The following FHIT variants were observed in gnomAD, a reference collection of about 807,000 sequenced individuals.
The protein encoded by FHIT is bis(5'-adenosyl)-triphosphatase.
A neutral mutation model predicts 17.9 loss-of-function variants in FHIT; 19 were observed. That is an observed-to-expected ratio of 1.06 (90% CI 0.74 to 1.56). FHIT has a LOEUF of 1.56. FHIT is among the 40% of genes most tolerant of loss of function. The pLI is 0.00. For synonymous variants in FHIT, 81 were observed against 69.7 expected, an observed-to-expected ratio of 1.16 and a Z score of -0.81; for missense variants, 248 against 189.2, an observed-to-expected ratio of 1.31 and a Z score of -1.82.
At chr3:60,817,103 A>G (rs1553737939) in intron 4 of FHIT, among the ~76,000 whole-genome samples, 1 of 151,956 alleles carries the variant, frequency 6.6e-6, no homozygotes, top group African/African-American at 2.4e-5. Context: ...TTAATTTTAT[A>G]CTATCTCATA....
intron 4 of FHIT, among the ~76,000 whole-genome samples, chr3:60,766,273 C>T (rs1699851195): frequency 6.6e-6 from 1 of 152,140 alleles, no homozygotes; most frequent in African/African-American, 2.4e-5. Context: ...CTCCTCATTG[C>T]TGCCTTTCTG....
intron 5 of FHIT, among the ~76,000 whole-genome samples, chr3:60,515,394 C>T (rs906857267): frequency 6.6e-6 from 1 of 152,060 alleles, no homozygotes; most frequent in Non-Finnish European, 1.5e-5. Flanking sequence ...TGAGGGAATT[C>T]GTCCAGGAAG....
chr3:60,029,369 A>G (rs899814114), intron 5 of FHIT, among the ~76,000 whole-genome samples: 1 of 152,212 alleles, frequency 6.6e-6, no homozygotes, highest in African/African-American at 2.4e-5. Context: ...AATAAAACAT[A>G]TAGGTAACAG....
At chr3:60,782,060 T>C (rs1700408655) in intron 4 of FHIT, among the ~76,000 whole-genome samples, 1 of 152,104 alleles carries the variant, frequency 6.6e-6, no homozygotes, top group Admixed American at 6.6e-5. Context: ...ACTCTCTGCT[T>C]CTATGAGTTT....
intron 5 of FHIT, among the ~76,000 whole-genome samples, chr3:60,390,608 A>G (rs1701190672): frequency 6.6e-6 from 1 of 152,050 alleles, no homozygotes; most frequent in Non-Finnish European, 1.5e-5. Context: ...TACTGTCCCT[A>G]AAGACCTTCC....
chr3:60,343,803 A>G (rs1021358362), intron 5 of FHIT, among the ~76,000 whole-genome samples: 12 of 152,152 alleles, frequency 7.9e-5, no homozygotes, highest in Admixed American at 2.6e-4. Context: ...CTCCTTTAAA[A>G]GCCCTGGACT....
At chr3:59,925,507 A>G (rs889091505) in intron 7 of FHIT, among the ~76,000 whole-genome samples, 3 of 152,274 alleles carry the variant, frequency 2.0e-5, no homozygotes, top group African/African-American at 7.2e-5. Context: ...CTACTAACAT[A>G]TGGGGGGTTG....
At chr3:60,556,368 T>A (rs974583315) in intron 4 of FHIT, among the ~76,000 whole-genome samples, 1 of 152,220 alleles carries the variant, frequency 6.6e-6, no homozygotes, top group African/African-American at 2.4e-5. Context: ...CATGTCTTTA[T>A]ATAGTTAACG....
At chr3:60,845,812 C>T (rs144037639) in intron 3 of FHIT, among the ~76,000 whole-genome samples, 44 of 152,206 alleles carry the variant, frequency 2.9e-4, no homozygotes, top group Non-Finnish European at 5.1e-4. Context: ...TCTGGGACAA[C>T]CTCAAAGACT....
chr3:61,137,587 G>C (rs1168361880), intron 2 of FHIT, among the ~76,000 whole-genome samples: 4 of 152,176 alleles, frequency 2.6e-5, no homozygotes, highest in Non-Finnish European at 2.9e-5. Flanking sequence ...GGCTACAAAG[G>C]CCAGTGGATG....
At chr3:59,880,918 G>A (rs1703381379) in intron 8 of FHIT, among the ~76,000 whole-genome samples, 1 of 152,060 alleles carries the variant, frequency 6.6e-6, no homozygotes, top group Non-Finnish European at 1.5e-5. Flanking sequence ...TGGTCTTTAA[G>A]CCTCTTTGAG....
chr3:60,426,134 T>G (rs1025227106), intron 5 of FHIT, among the ~76,000 whole-genome samples: 2 of 152,156 alleles, frequency 1.3e-5, no homozygotes, highest in Non-Finnish European at 2.9e-5. Flanking sequence ...ACTCTACCAC[T>G]TATAAGCTCA....
At chr3:60,751,183 G>A (rs545296814) in intron 4 of FHIT, among the ~76,000 whole-genome samples, 5 of 152,350 alleles carry the variant, frequency 3.3e-5, no homozygotes, top group South Asian at 2.1e-4. Flanking sequence ...TAACATGGGT[G>A]AAATGCTTCA....
chr3:60,267,153 C>T (rs1051386984), intron 5 of FHIT, among the ~76,000 whole-genome samples: 4 of 151,718 alleles, frequency 2.6e-5, no homozygotes, highest in African/African-American at 9.7e-5. Flanking sequence ...ATAGAAAGAG[C>T]TTGAAATGTA....
In FHIT at chr3:59,851,829, A is replaced by T. The variant is rs572827089; in HGVS notation, c.348+70517T>A. On this transcript the variant is annotated intron_variant, in intron 8 of 9. Coordinates refer to ENST00000492590, the MANE Select transcript of FHIT (RefSeq NM_002012.4). ...AAACTGCAAGATTAAAGCTCCTACA[A>T]GCTTCTGACAACATGAAAATCAGAC... Among the ~76,000 whole-genome samples the T allele has an allele frequency of 7.2e-5, 11 of 152,328 alleles. 1 individual carries two copies. The South Asian group carries it at 2.3e-3, about 32-fold the overall frequency.
intron 8 of FHIT, among the ~76,000 whole-genome samples, chr3:59,784,604 G>A (rs992840004): frequency 2.6e-5 from 4 of 152,180 alleles, no homozygotes; most frequent in Non-Finnish European, 5.9e-5. Context: ...TACGTAGAAC[G>A]CAGTCACGAC....
At chr3:59,891,856 C>T (rs945352569) in intron 8 of FHIT, among the ~76,000 whole-genome samples, 1 of 152,142 alleles carries the variant, frequency 6.6e-6, no homozygotes, top group African/African-American at 2.4e-5. Flanking sequence ...AACAAGGAAT[C>T]CACATGCACT....
At position 61,006,606 on chromosome 3, in the gene FHIT, C is replaced by CT. The variant is rs59158084; in HGVS notation, c.-111+35440dup. ...CCCCCACTGATTTGGAAAACATATTCTTTTTTTTTTTTTTTTACAATTAAC... is the reference window on the plus strand; with the variant it reads ...CCCCCACTGATTTGGAAAACATATTCTTTTTTTTTTTTTTTTTACAATTAAC... On this transcript the variant is annotated intron_variant, in intron 3 of 9. Coordinates refer to ENST00000492590, the MANE Select transcript of FHIT (RefSeq NM_002012.4). 4.2e-3 allele frequency among the ~76,000 whole-genome samples: 615 copies of CT among 145,982 alleles called. 5 individuals are homozygous for CT. The highest frequency in any genetic ancestry group is 0.014 in the African/African-American group (566 of 39,916).
chr3:60,831,414 T>C (rs1321390466), intron 3 of FHIT, among the ~76,000 whole-genome samples: 1 of 152,094 alleles, frequency 6.6e-6, no homozygotes, highest in Non-Finnish European at 1.5e-5. Flanking sequence ...ACTTGGCAGT[T>C]CAAAAAAACT....
Sources: allele counts gnomAD v4.1 joint callset (sites outside exome capture counted in the v4.1 genomes callset), GRCh38; gene constraint gnomAD v4.1.1; transcripts MANE v1.5; gene names NCBI Gene and HGNC (gene_info 2026-07-23, HGNC 2026-07-21).